MAPK10: variants seen among roughly 807,000 people sequenced by gnomAD.
MAPK10 encodes JNK3 alpha protein kinase.
A neutral mutation model predicts 59.3 loss-of-function variants in MAPK10; 25 were observed. The ratio of observed to expected loss-of-function variants is 0.42; its 90% confidence interval spans 0.31 to 0.59. The LOEUF (loss-of-function observed/expected upper bound fraction) is 0.59. Ranked by LOEUF, MAPK10 falls within the 20% of genes least tolerant of loss-of-function variation. The pLI, the probability that MAPK10 is intolerant of heterozygous loss-of-function variation, is 0.15. For synonymous variants in MAPK10, 190 were observed against 200.5 expected (o/e 0.95, Z 0.44); for missense variants, 351 against 568.9 (o/e 0.62, Z 3.90).
Position 86,511,320 on chromosome 4 carries a change from G to C in MAPK10, c.-263+82590C>G, listed in dbSNP as rs1265683084. 2.6e-5 allele frequency among the ~76,000 whole-genome samples: 4 copies of C among 151,572 alleles called. No individual in the cohort carries two copies. The East Asian group carries it at 7.8e-4, about 29-fold the overall frequency. ...GCAATGTAAGGAGACATTTTGGGAGGCCAAGGTGAGTGGATTGCATGAGCT... is the reference window on the plus strand; with the variant it reads ...GCAATGTAAGGAGACATTTTGGGAGCCCAAGGTGAGTGGATTGCATGAGCT... On this transcript the variant is annotated intron_variant, in intron 1 of 4. Transcript: ENST00000502302.
chr4:86,288,681 G>A (rs1300131313), intron 2 of MAPK10, among the ~76,000 whole-genome samples: 1 of 152,042 alleles, frequency 6.6e-6, no homozygotes, highest in African/African-American at 2.4e-5. Flanking sequence ...AGTCTTTTAT[G>A]AGCACTGGAA....
At chr4:86,270,049 T>C (rs2094385448) in intron 2 of MAPK10, among the ~76,000 whole-genome samples, 1 of 152,062 alleles carries the variant, frequency 6.6e-6, no homozygotes, top group South Asian at 2.1e-4. Context: ...AATACAAATA[T>C]TATGATTAAA....
intron 4 of MAPK10, among the ~76,000 whole-genome samples, chr4:86,146,300 G>A (rs1014469905): frequency 2.0e-5 from 3 of 152,178 alleles, no homozygotes; most frequent in African/African-American, 7.2e-5. Flanking sequence ...ACAGTCTAGT[G>A]GGAAATGGAC....
chr4:86,058,023 G>T (rs1267735729), intron 11 of MAPK10, among the ~76,000 whole-genome samples: 4 of 149,824 alleles, frequency 2.7e-5, no homozygotes, highest in Non-Finnish European at 5.9e-5. Flanking sequence ...TAAAAGGAAG[G>T]AAGTGCACAT....
intron 1 of MAPK10, among the ~76,000 whole-genome samples, chr4:86,378,656 A>G (rs1291377801): frequency 2.0e-5 from 3 of 152,224 alleles, no homozygotes; most frequent in Admixed American, 6.5e-5. Context: ...GAATGCAACA[A>G]TCTTACAAAT....
intron 1 of MAPK10, among the ~76,000 whole-genome samples, chr4:86,585,474 A>T (rs1160552107): frequency 6.6e-6 from 1 of 152,252 alleles, no homozygotes. Context: ...AAATAAGACA[A>T]TCTAGAACTC....
At chr4:86,274,184 A>G (rs2148779038) in intron 2 of MAPK10, among the ~76,000 whole-genome samples, 1 of 152,170 alleles carries the variant, frequency 6.6e-6, no homozygotes, top group East Asian at 1.9e-4. Context: ...TATAAATTAG[A>G]CTTTCTGAGT....
At chr4:86,558,326 C>CTTT (rs1760420542) in intron 1 of MAPK10, among the ~76,000 whole-genome samples, 1 of 152,124 alleles carries the variant, frequency 6.6e-6, no homozygotes, top group Non-Finnish European at 1.5e-5. Context: ...AAATTCAGTG[C>CTTT]TAAAGACGAG....
At chr4:86,192,702 T>C (rs2080232641) in intron 3 of MAPK10, 1 of 152,110 alleles carries the variant, frequency 6.6e-6, no homozygotes, top group Non-Finnish European at 1.5e-5. Context: ...TTAACTTCCT[T>C]GCATTGAGTT....
intron 2 of MAPK10, among the ~76,000 whole-genome samples, chr4:86,264,120 C>A (rs897077163): frequency 6.6e-6 from 1 of 152,122 alleles, no homozygotes; most frequent in African/African-American, 2.4e-5. Flanking sequence ...TATTTTATTT[C>A]TTGCTTGTAT....
intron 1 of MAPK10, among the ~76,000 whole-genome samples, chr4:86,434,869 A>T (rs762256273): frequency 3.3e-5 from 5 of 152,246 alleles, no homozygotes; most frequent in Non-Finnish European, 7.3e-5. Context: ...CACTATTCAC[A>T]ATAACCAAAC....
At chr4:86,563,734 G>A (rs1244301125) in intron 1 of MAPK10, among the ~76,000 whole-genome samples, 1 of 152,130 alleles carries the variant, frequency 6.6e-6, no homozygotes, top group African/African-American at 2.4e-5. Flanking sequence ...TATATACAGT[G>A]TGGATACATT....
chr4:86,015,590 CAGTGCCTCCTTA>C lies in MAPK10; in HGVS notation c.*1626_*1637del, dbSNP rs1159172105. On this transcript the variant is annotated 3_prime_UTR_variant, in exon 14 of 14. Transcript: ENST00000641462. ...CCTTGTACATAACCAAGATGTTTCA[CAGTGCCTCCTTA>C]AGTGCTCAGGAAAGCACTTTCATTT... 6.6e-6 allele frequency: 1 copy of C among 152,230 alleles called. No homozygotes were observed. Among genetic ancestry groups the C allele is most frequent in the Non-Finnish European group, 1.5e-5 (1 of 68,038 alleles). The allele number at this position is 152,230 out of a possible 1,614,324, so 9.4% of individuals were successfully genotyped here. A position where few individuals can be genotyped will look rare whatever the true frequency, so the allele number is the denominator to read the frequency against.
At chr4:86,359,610 A>C in intron 1 of MAPK10, 48 bp downstream of exon 1, 1 of 898,622 alleles carries the variant, frequency 1.1e-6, no homozygotes, top group Non-Finnish European at 1.3e-6. Context: ...ACATCACCCC[A>C]CCCTCCAAAA....
intron 1 of MAPK10, among the ~76,000 whole-genome samples, chr4:86,549,720 T>C (rs540644695): frequency 1.6e-4 from 25 of 152,310 alleles, no homozygotes; most frequent in Admixed American, 1.4e-3. Context: ...GGCTCATGCC[T>C]TTAATCCCAA....
chr4:86,577,279 C>A (rs1405665769), intron 1 of MAPK10, among the ~76,000 whole-genome samples: 1 of 151,966 alleles, frequency 6.6e-6, no homozygotes, highest in Non-Finnish European at 1.5e-5. Context: ...ACACTGCACT[C>A]TAGTCTGGGT....
intron 1 of MAPK10, among the ~76,000 whole-genome samples, chr4:86,525,750 G>A (rs1402927977): frequency 1.3e-5 from 2 of 152,170 alleles, no homozygotes; most frequent in African/African-American, 4.8e-5. Context: ...AATCTTCAAT[G>A]AATAAACCAA....
intron 2 of MAPK10, among the ~76,000 whole-genome samples, chr4:86,216,490 GA>G (rs557030656): frequency 1.5e-3 from 222 of 151,480 alleles, no homozygotes; most frequent in African/African-American, 5.2e-3. Flanking sequence ...TGCCATAACA[GA>G]AAAAGTTGAA....
chr4:86,188,936 G>A (rs144686108), intron 3 of MAPK10, among the ~76,000 whole-genome samples: 7,028 of 152,244 alleles, frequency 0.046, 207 homozygotes, highest in African/African-American at 0.072. Context: ...TGTATAAGGT[G>A]TAAGGAAAGG....
Sources: allele counts gnomAD v4.1 joint callset (sites outside exome capture counted in the v4.1 genomes callset), GRCh38; gene constraint gnomAD v4.1.1; transcripts MANE v1.5; gene names NCBI Gene and HGNC (gene_info 2026-07-23, HGNC 2026-07-21).